IGSF9B: variants seen among roughly 807,000 people sequenced by gnomAD.
The protein encoded by IGSF9B is immunoglobulin superfamily member 9B, also known as protein turtle homolog B.
A neutral mutation model predicts 143.7 loss-of-function variants in IGSF9B; 48 were observed. The observed-to-expected ratio is 0.33, with a 90% CI of 0.26 to 0.42. IGSF9B has a LOEUF of 0.42. Among genes scored for constraint, IGSF9B ranks in the 20% least tolerant of loss-of-function variants. The pLI, the probability that IGSF9B is intolerant of heterozygous loss-of-function variation, is 1.00. For missense variants in IGSF9B, 1,706 were observed against 1,980.0 expected (o/e 0.86, Z 2.63); for synonymous variants, 903 against 833.1 (o/e 1.08, Z -1.44).
Position 133,920,175 on chromosome 11 carries a change from C to T in IGSF9B, c.3550G>A (p.Ala1184Thr), listed in dbSNP as rs760188319. 48 of 1,510,722 alleles carry T rather than the reference C, an allele frequency of 3.2e-5. No individual in the cohort carries two copies. In the South Asian group the frequency reaches 6.2e-4, roughly 19 times the overall value. The allele number at this position is 1,510,722 out of a possible 1,614,324, so 93.6% of individuals were successfully genotyped here. The change falls in exon 18 of 20, where the codon GCC becomes ACC. Residue 1184 changes from alanine to threonine, a missense_variant. Transcript: ENST00000533871. ...QPRPRPSPRQ[A>T]RRAEPSLHQV... Reference sequence around the variant, plus strand: ...TGTAAACTGGGCTCGGCGCGCCTGGCCTGCCGAGGGCTAGGCCGGGGCCGG... The same window carrying T: ...TGTAAACTGGGCTCGGCGCGCCTGGTCTGCCGAGGGCTAGGCCGGGGCCGG...
intron 18 of IGSF9B, 165 bp from the exon 19 acceptor site, chr11:133,912,172 C>T (rs1360106628): frequency 3.5e-6 from 3 of 848,818 alleles, no homozygotes; most frequent in Non-Finnish European, 5.7e-6. Flanking sequence ...TTCTATTGCT[C>T]CTGGAAAGAA....
chr11:133,937,670 G>C, intron 4 of IGSF9B, 140 bp downstream of exon 4: 2 of 1,152,060 alleles, frequency 1.7e-6, no homozygotes, highest in Non-Finnish European at 2.5e-6. Flanking sequence ...ACACAGAGAC[G>C]CCTGCAGCTG....
chr11:133,901,813 C>A lies in IGSF9B; in HGVS notation c.*7256G>T, dbSNP rs1464167236. ...TCACACACACCACACACAACAGACA[C>A]ACCACACCACACACACAAACACACA... On this transcript the variant is annotated 3_prime_UTR_variant, in exon 20 of 20. Coordinates refer to ENST00000533871, the MANE Select transcript of IGSF9B (RefSeq NM_001277285.4). Among the ~76,000 whole-genome samples, 1 of 149,740 alleles carries A rather than the reference C, an allele frequency of 6.7e-6. No homozygotes were observed. Among genetic ancestry groups the A allele is most frequent in the Non-Finnish European group, 1.5e-5 (1 of 67,226 alleles).
Position 133,932,169 on chromosome 11 carries a change from C to A in IGSF9B, c.1012G>T (p.Val338Leu), listed in dbSNP as rs758104266. 4 of 1,602,320 alleles carry A rather than the reference C, an allele frequency of 2.5e-6. No homozygotes were observed. Among genetic ancestry groups the A allele is most frequent in the African/African-American group, 1.3e-5 (1 of 74,732 alleles). Residue 338 changes from valine to leucine, a missense_variant, in exon 8 of 20, where the codon GTG (valine) becomes TTG (leucine). By Grantham distance (32) the Val-to-Leu change is conservative. Around this residue, in one of 7 missense-constraint regions of IGSF9B, gnomAD observed 238 missense variants for 452.6 expected, o/e 0.53. Transcript: ENST00000533871. Reference protein sequence around the residue: ...LNMPPVIYVPVGIHGYIRCPV... With the variant: ...LNMPPVIYVPLGIHGYIRCPV... ...CAGCGGATGTAGCCATGGATCCCCA[C>A]GGGCACGTAAATCACAGGGGGCATG...
chr11:133,952,237 C>A (rs540487128), intron 1 of IGSF9B: 2 of 349,262 alleles, frequency 5.7e-6, no homozygotes, highest in African/African-American at 4.3e-5. Context: ...CCATGGGCAG[C>A]GCCTTTTGGG....
At chr11:133,933,964 C>T (rs1213067094) in intron 7 of IGSF9B, among the ~76,000 whole-genome samples, 1 of 151,170 alleles carries the variant, frequency 6.6e-6, no homozygotes, top group East Asian at 1.9e-4. Flanking sequence ...ACATAGCTTC[C>T]TACTTTTGTA....
chr11:133,943,367 TC>T (rs1402838562), intron 3 of IGSF9B, among the ~76,000 whole-genome samples: 1 of 152,168 alleles, frequency 6.6e-6, no homozygotes, highest in Non-Finnish European at 1.5e-5. Context: ...TTCTCCTTCA[TC>T]TTTTCTCCAT....
At position 133,944,362 on chromosome 11, in the gene IGSF9B, C is replaced by T. The variant is rs1482409390; in HGVS notation, c.267G>A (p.Arg89=). The T allele has an allele frequency of 6.2e-7, 1 of 1,613,310 alleles. No individual in the cohort carries two copies. Among genetic ancestry groups the T allele is most frequent in the Non-Finnish European group, 8.5e-7 (1 of 1,179,858 alleles). The change falls in exon 3 of 20, where the codon CGG becomes CGA. Residue 89 remains arginine (R), a synonymous_variant. Transcript: ENST00000533871. ...GAGATGCCTTATCATGAAGACTGGCCCGGCCTGGGGGAATAGAGCAGACAA... is the reference window on the plus strand; with the variant it reads ...GAGATGCCTTATCATGAAGACTGGCTCGGCCTGGGGGAATAGAGCAGACAA... ...PPHVDPEYAG[R]ASLHDKASLR... is the part of the protein sequence containing the mutation.
chr11:133,926,930 G>A lies in IGSF9B; in HGVS notation c.1793C>T (p.Thr598Ile). ...CGGGCCCTCACCTAAAGTGTTCACA[G>A]TGACCACCTCACTGAAGGCGCTGGT... ...LGTSAFSEVVTVNTLAFPITT... is the reference protein window; with the variant it reads ...LGTSAFSEVVIVNTLAFPITT... The change falls in exon 13 of 20, where the codon ACT becomes ATT. Residue 598 changes from threonine to isoleucine, a missense_variant. Physicochemically the swap from Thr to Ile is moderately conservative, Grantham distance 89. Transcript: ENST00000533871. 6.3e-7 allele frequency: 1 copy of A among 1,596,610 alleles called. No homozygotes were observed. Among genetic ancestry groups the A allele is most frequent in the Non-Finnish European group, 8.5e-7 (1 of 1,171,516 alleles).
rs1203400314 is a variant in IGSF9B at position 133,913,514 on chromosome 11, G to A, written c.3984-1507C>T. Among the ~76,000 whole-genome samples the A allele has an allele frequency of 2.0e-4, 30 of 152,168 alleles. 1 individual carries two copies. The highest frequency in any genetic ancestry group is 2.0e-3 in the Admixed American group (30 of 15,278). ...TCCTGGGGGATGTCATCATTCTCTA[G>A]TCCTTTAGTCCATAAAGTTTCAAAA... On this transcript the variant is annotated intron_variant, in intron 18 of 19. Transcript: ENST00000533871. This position sits in a 1 kb window ranked among gnomAD's most constrained non-coding sequence, Gnocchi z 4.6.
intron 19 of IGSF9B, among the ~76,000 whole-genome samples, chr11:133,911,409 T>A (rs1203402600): frequency 1.3e-5 from 2 of 152,192 alleles, no homozygotes; most frequent in African/African-American, 4.8e-5. Context: ...GGTCCTGTCA[T>A]GCCTTTGTTC....
At chr11:133,932,468 C>A (rs1457601390) in intron 7 of IGSF9B, among the ~76,000 whole-genome samples, 2 of 134,526 alleles carry the variant, frequency 1.5e-5, no homozygotes, top group East Asian at 4.5e-4. Context: ...GACAGACAGA[C>A]AGACACAGGG....
intron 3 of IGSF9B, among the ~76,000 whole-genome samples, chr11:133,941,970 G>C (rs962655086): frequency 6.6e-6 from 1 of 152,174 alleles, no homozygotes; most frequent in Non-Finnish European, 1.5e-5. Context: ...ACAGTCTCTT[G>C]AAGTCTCCTT....
intron 3 of IGSF9B, among the ~76,000 whole-genome samples, chr11:133,940,778 C>A (rs1591722640): frequency 6.6e-6 from 1 of 152,248 alleles, no homozygotes; most frequent in South Asian, 2.1e-4. Context: ...TCATCACATG[C>A]AAAAACATAC....
rs924185943 is a variant in IGSF9B at position 133,956,963 on chromosome 11, T to C, written c.-209A>G. ...TCCCCGGCCCCGGCGCAGCGGCACCTGCACTACTCGCCCGGGCGGAGCGCA... is the reference window on the plus strand; with the variant it reads ...TCCCCGGCCCCGGCGCAGCGGCACCCGCACTACTCGCCCGGGCGGAGCGCA... On this transcript the variant is annotated 5_prime_UTR_variant, in exon 1 of 20. Coordinates refer to ENST00000533871, the MANE Select transcript of IGSF9B (RefSeq NM_001277285.4). The C allele has an allele frequency of 8.1e-6, 3 of 370,080 alleles. No homozygotes were observed. Among genetic ancestry groups the C allele is most frequent in the Admixed American group, 4.6e-5 (1 of 21,506 alleles). 22.9% of individuals were successfully genotyped at this position (370,080 alleles called of 1,614,324 possible).
At position 133,909,079 on chromosome 11, in the gene IGSF9B, G is replaced by T; in HGVS notation, c.4304C>A (p.Thr1435Asn). ...TAGAGTGGGGTGGAGTCACAGCAAA[G>T]TGGCATGTCCTGGGTCATCGTGGTC... ...SVDHDDPGHA[T>N]LL The change falls in exon 20 of 20, where the codon ACT (threonine) becomes AAT (asparagine). Residue 1435 changes from threonine (T) to asparagine (N), a missense_variant. Thr to Asn is a moderately conservative substitution (Grantham distance 65, BLOSUM62 0). Transcript: ENST00000533871. The surrounding 1 kb of genome is among the most constrained non-coding windows in gnomAD (Gnocchi z 4.2). 2 of 1,535,580 alleles carry T rather than the reference G, an allele frequency of 1.3e-6. No individual in the cohort carries two copies. Among genetic ancestry groups the T allele is most frequent in the Non-Finnish European group, 8.7e-7 (1 of 1,146,452 alleles).
At position 133,953,151 on chromosome 11, in the gene IGSF9B, G is replaced by A. The variant is rs1036705067; in HGVS notation, c.64+3540C>T. Among the ~76,000 whole-genome samples the A allele has an allele frequency of 6.6e-6, 1 of 152,198 alleles. No individual in the cohort carries two copies. The highest frequency in any genetic ancestry group is 1.5e-5 in the Non-Finnish European group (1 of 68,034). ...TTGGAGTGAGGGCCAGAGTGATGCT[G>A]GGGCTCAGAATCTTCCAGCGAGGCA... On this transcript the variant is annotated intron_variant, in intron 1 of 19. Transcript: ENST00000533871. The surrounding 1 kb of genome is among the most constrained non-coding windows in gnomAD (Gnocchi z 4.2).
chr11:133,931,575 G>A lies in IGSF9B; in HGVS notation c.1252-6C>T. On this transcript the variant is annotated splice_polypyrimidine_tract_variant and splice_region_variant and intron_variant, in intron 9 of 19. Transcript: ENST00000533871. The surrounding 1 kb of genome is among the most constrained non-coding windows in gnomAD (Gnocchi z 7.7). ...ACCGTGAAATAGGGGGGGTCCTGGG[G>A]AGGAAAGCACAGGCACCCTCGTGAG... The A allele has an allele frequency of 6.2e-7, 1 of 1,613,238 alleles. No homozygotes were observed. Among genetic ancestry groups the A allele is most frequent in the Non-Finnish European group, 8.5e-7 (1 of 1,179,720 alleles).
At chr11:133,940,263 G>A (rs370730391) in intron 3 of IGSF9B, among the ~76,000 whole-genome samples, 2 of 94,356 alleles carry the variant, frequency 2.1e-5, no homozygotes, top group African/African-American at 3.3e-5. Context: ...GTCCTCGCAC[G>A]CGTCATCGCA....
Sources: gnomAD v4.1 joint callset for allele counts (sites outside exome capture counted in the v4.1 genomes callset) on GRCh38, gnomAD v4.1.1 for gene constraint, gnomAD v4.1.1 regional missense constraint, Gnocchi (gnomAD v3.1) non-coding constraint, MANE v1.5 for transcripts, NCBI Gene and HGNC (gene_info 2026-07-23, HGNC 2026-07-21) for gene names.